Variants in PRP4K observed in about 807,000 individuals in gnomAD.
PRP4K encodes the protein pre-mRNA processing factor kinase PRP4K.
the PRP4K span, among the ~76,000 whole-genome samples, chr6:4,046,718 C>T: frequency 4.7e-5 from 7 of 149,952 alleles, no homozygotes; most frequent in East Asian, 7.8e-4. Context: ...AGTGCAGTGG[C>T]GTGATCTCAG....
chr6:4,022,662 G>A, the PRP4K span, among the ~76,000 whole-genome samples: 2 of 152,036 alleles, frequency 1.3e-5, no homozygotes, highest in African/African-American at 2.4e-5. Context: ...GCAGAGAAAC[G>A]GAATTTTTAA....
the PRP4K span, among the ~76,000 whole-genome samples, chr6:4,028,093 A>G: frequency 1.3e-5 from 2 of 152,230 alleles, no homozygotes; most frequent in African/African-American, 4.8e-5. Flanking sequence ...GGATGAGAAT[A>G]TAGCCTATAT....
At chr6:4,032,426 A>G in the PRP4K span, 7 of 1,614,170 alleles carry the variant, frequency 4.3e-6, no homozygotes, top group South Asian at 5.5e-5. Flanking sequence ...GTAAATCCAA[A>G]GACAGAAGGT....
chr6:4,042,433 G>A, the PRP4K span: 6 of 1,360,262 alleles, frequency 4.4e-6, no homozygotes, highest in Admixed American at 2.0e-5. Flanking sequence ...ACTTTAAAAT[G>A]TATAAGGGGT....
the PRP4K span, chr6:4,063,620 A>G: frequency 1.3e-5 from 2 of 152,110 alleles, no homozygotes; most frequent in Non-Finnish European, 1.5e-5. Flanking sequence ...TTTAAGGGAA[A>G]TGAAAAAGAT....
chr6:4,031,635 C>A, the PRP4K span: 1 of 1,600,262 alleles, frequency 6.2e-7, no homozygotes, highest in Non-Finnish European at 8.5e-7. Context: ...TCAAAATAAG[C>A]ACAGTCGTCA....
At chr6:4,057,777 C>A in the PRP4K span, among the ~76,000 whole-genome samples, 460 of 128,848 alleles carry the variant, frequency 3.6e-3, 2 homozygotes, top group Non-Finnish European at 6.0e-3. Flanking sequence ...TTTTTTGAGA[C>A]GGAGTCTTGC....
chr6:4,027,941 G>A, the PRP4K span, among the ~76,000 whole-genome samples: 1 of 152,104 alleles, frequency 6.6e-6, no homozygotes, highest in East Asian at 1.9e-4. Flanking sequence ...TACGCCTAAA[G>A]ATCATTCTCA....
At chr6:4,040,010 G>C in the PRP4K span, among the ~76,000 whole-genome samples, 1 of 151,554 alleles carries the variant, frequency 6.6e-6, no homozygotes, top group East Asian at 1.9e-4. Flanking sequence ...GAATCCTCCC[G>C]GTAGCTGGGA....
the PRP4K span, chr6:4,056,939 C>T: frequency 0.038 from 47,736 of 1,269,070 alleles, 2,667 homozygotes; most frequent in African/African-American, 0.19. Flanking sequence ...GGTTATAGTC[C>T]AAGCTAAGGT....
At chr6:4,045,977 C>T in the PRP4K span, among the ~76,000 whole-genome samples, 3 of 152,190 alleles carry the variant, frequency 2.0e-5, no homozygotes, top group Non-Finnish European at 2.9e-5. Flanking sequence ...ACTATACATA[C>T]TTAGATCGAT....
the PRP4K span, chr6:4,037,462 G>A: frequency 2.5e-6 from 4 of 1,613,924 alleles, no homozygotes; most frequent in East Asian, 4.5e-5. Flanking sequence ...CCCATCAATA[G>A]ATGGTCTCCA....
the PRP4K span, among the ~76,000 whole-genome samples, chr6:4,042,072 G>A: frequency 2.4e-3 from 373 of 152,322 alleles, 2 homozygotes; most frequent in Middle Eastern, 6.8e-3. Flanking sequence ...TGATAGGGAA[G>A]TACGGGTATA....
the PRP4K span, among the ~76,000 whole-genome samples, chr6:4,043,065 T>A: frequency 2.5e-4 from 38 of 152,176 alleles, no homozygotes; most frequent in Non-Finnish European, 4.3e-4. Flanking sequence ...TATACAAAGA[T>A]CTTGATACAG....
the PRP4K span, among the ~76,000 whole-genome samples, chr6:4,059,488 A>G: frequency 6.6e-6 from 1 of 152,200 alleles, no homozygotes; most frequent in Admixed American, 6.5e-5. Context: ...TTATTATAGC[A>G]TATGTCCCTG....
chr6:4,035,688 CA>C, the PRP4K span, among the ~76,000 whole-genome samples: 1 of 152,064 alleles, frequency 6.6e-6, no homozygotes, highest in East Asian at 1.9e-4. Context: ...ATGAGGAAGG[CA>C]AGTTGCAGTG....
the PRP4K span, among the ~76,000 whole-genome samples, chr6:4,027,509 A>G: frequency 6.8e-6 from 1 of 147,262 alleles, no homozygotes; most frequent in Admixed American, 7.2e-5. Flanking sequence ...TAACATTCTT[A>G]TTAGCAGCCC....
chr6:4,037,487 T>A, the PRP4K span: 1 of 1,613,906 alleles, frequency 6.2e-7, no homozygotes, highest in Non-Finnish European at 8.5e-7. Context: ...GAAGAAGAAG[T>A]AGATCTCCCA....
At chr6:4,026,893 C>G in the PRP4K span, among the ~76,000 whole-genome samples, 1 of 152,096 alleles carries the variant, frequency 6.6e-6, no homozygotes, top group Non-Finnish European at 1.5e-5. Context: ...TTAGCAAAGA[C>G]AAGGTAGGCC....
Sources: gnomAD v4.1 joint callset for allele counts (sites outside exome capture counted in the v4.1 genomes callset) on GRCh38, gnomAD v4.1.1 for gene constraint, MANE v1.5 for transcripts, NCBI Gene and HGNC (gene_info 2026-07-23, HGNC 2026-07-21) for gene names.